Variants in CCDC149 observed in about 807,000 individuals in gnomAD.
CCDC149 encodes the protein coiled-coil domain containing 149.
CCDC149 carries 45 observed loss-of-function variants against 59.9 expected under a neutral mutation model. The observed-to-expected ratio is 0.75, with a 90% CI of 0.59 to 0.96. CCDC149 has a LOEUF of 0.96. Ranked by LOEUF, CCDC149 falls within the 40% of genes least tolerant of loss-of-function variation. CCDC149 has a pLI of 0.00. For missense variants in CCDC149, 584 were observed against 664.7 expected (o/e 0.88, Z 1.33); for synonymous variants, 245 against 260.6 (o/e 0.94, Z 0.58).
intron 1 of CCDC149, among the ~76,000 whole-genome samples, chr4:24,890,683 A>G (rs1276155030): frequency 1.3e-5 from 2 of 152,172 alleles, no homozygotes; most frequent in Non-Finnish European, 2.9e-5. Context: ...TTCAAGATGA[A>G]GCTTCAACTC....
intron 1 of CCDC149, among the ~76,000 whole-genome samples, chr4:24,885,522 C>T (rs1478135973): frequency 3.3e-5 from 5 of 152,212 alleles, no homozygotes; most frequent in African/African-American, 1.2e-4. Context: ...GGCAACCAGA[C>T]TCATGCGTGG....
chr4:24,872,844 C>T (rs921498410), intron 3 of CCDC149, among the ~76,000 whole-genome samples: 3 of 151,246 alleles, frequency 2.0e-5, no homozygotes, highest in Non-Finnish European at 4.4e-5. Flanking sequence ...GAAGACTATA[C>T]AGCCACAGAA....
In CCDC149 at chr4:24,837,514, C is replaced by T. The variant is rs897752633; in HGVS notation, c.490-114G>A. On this transcript the variant is annotated intron_variant, in intron 5 of 12. Transcript: ENST00000635206. This position sits in a 1 kb window ranked among gnomAD's most constrained non-coding sequence, Gnocchi z 4.3. ...TTTTTAGAGAGTTTATTAACACTACCCGCATGCCCTAAAGCCATAAGCGCC... is the reference window on the plus strand; with the variant it reads ...TTTTTAGAGAGTTTATTAACACTACTCGCATGCCCTAAAGCCATAAGCGCC... 3.3e-6 allele frequency: 3 copies of T among 919,150 alleles called. No individual in the cohort carries two copies. Among genetic ancestry groups the T allele is most frequent in the East Asian group, 2.5e-5 (1 of 39,652 alleles). 56.9% of individuals were successfully genotyped at this position (919,150 alleles called of 1,614,324 possible).
chr4:24,940,890 A>C (rs1179099387), intron 1 of CCDC149, among the ~76,000 whole-genome samples: 2 of 152,254 alleles, frequency 1.3e-5, no homozygotes, highest in East Asian at 3.8e-4. Flanking sequence ...ACCCAGATTC[A>C]TAAAGCAAGT....
rs1420574627 is a variant in CCDC149, at chr4:24,837,431, A to G, written c.490-31T>C. On this transcript the variant is annotated intron_variant, in intron 5 of 12. Coordinates refer to ENST00000635206, the MANE Select transcript of CCDC149 (RefSeq NM_001330643.2). The surrounding 1 kb of genome is among the most constrained non-coding windows in gnomAD (Gnocchi z 4.3). ...ACCACAGGGAGAGCCCTTACTCAAGATGTTCCTCAGGCTCCAGCTTTATGG... is the reference window on the plus strand; with the variant it reads ...ACCACAGGGAGAGCCCTTACTCAAGGTGTTCCTCAGGCTCCAGCTTTATGG... 6.2e-7 allele frequency: 1 copy of G among 1,610,312 alleles called. No individual in the cohort carries two copies.
chr4:24,965,508 AAT>A (rs1392504501), intron 1 of CCDC149, among the ~76,000 whole-genome samples: 3,424 of 151,478 alleles, frequency 0.023, 111 homozygotes, highest in African/African-American at 0.064. Context: ...AAAATTCCCC[AAT>A]GTTTCAAACT....
chr4:24,868,465 C>T (rs1434079359), intron 3 of CCDC149, among the ~76,000 whole-genome samples: 1 of 152,272 alleles, frequency 6.6e-6, no homozygotes, highest in East Asian at 1.9e-4. Flanking sequence ...GTCAGAATTC[C>T]CTCCCTAATT....
intron 3 of CCDC149, among the ~76,000 whole-genome samples, chr4:24,855,101 G>A (rs1339716449): frequency 1.3e-5 from 2 of 152,124 alleles, no homozygotes; most frequent in African/African-American, 2.4e-5. Context: ...AAGGAACTTC[G>A]TTGTCTCTAC....
chr4:24,842,802 C>G (rs1295851984), intron 4 of CCDC149, among the ~76,000 whole-genome samples: 2 of 152,196 alleles, frequency 1.3e-5, no homozygotes, highest in African/African-American at 4.8e-5. Context: ...TCCTTGATCT[C>G]TTCTTAGCCT....
intron 1 of CCDC149, among the ~76,000 whole-genome samples, chr4:24,892,691 T>C (rs1720598631): frequency 6.6e-6 from 1 of 152,186 alleles, no homozygotes; most frequent in Admixed American, 6.5e-5. Flanking sequence ...TATAAAATAC[T>C]GTCCAGTGAG....
intron 4 of CCDC149, among the ~76,000 whole-genome samples, chr4:24,846,583 T>A (rs1026203874): frequency 6.6e-6 from 1 of 152,204 alleles, no homozygotes; most frequent in African/African-American, 2.4e-5. Flanking sequence ...TGTATCTTAA[T>A]TGGTTTGCTC....
intron 7 of CCDC149, among the ~76,000 whole-genome samples, chr4:24,835,905 T>C (rs1716485643): frequency 1.3e-5 from 2 of 152,170 alleles, no homozygotes; most frequent in Non-Finnish European, 2.9e-5. Flanking sequence ...ATAGATATTA[T>C]CAAACTAATG....
chr4:24,863,913 G>A (rs1479216619), intron 3 of CCDC149, among the ~76,000 whole-genome samples: 3 of 152,234 alleles, frequency 2.0e-5, no homozygotes, highest in African/African-American at 7.2e-5. Flanking sequence ...CAGCGGTAAG[G>A]ATGACCCAAA....
chr4:24,820,524 GGAGGAGGAGGAT>G (rs929612524), intron 11 of CCDC149, among the ~76,000 whole-genome samples: 15 of 152,232 alleles, frequency 9.9e-5, no homozygotes, highest in African/African-American at 3.4e-4. Flanking sequence ...AGGAAGAGGA[GGAGGAGGAGGAT>G]GAGGAGGAGA....
chr4:24,843,219 C>T (rs1238560376), intron 4 of CCDC149, among the ~76,000 whole-genome samples: 2 of 152,224 alleles, frequency 1.3e-5, no homozygotes, highest in East Asian at 3.8e-4. Context: ...TACACAGTAG[C>T]TGTCAATTTG....
At chr4:24,873,619 C>A in intron 3 of CCDC149, 62 bp downstream of exon 3, 1 of 1,094,156 alleles carries the variant, frequency 9.1e-7, no homozygotes, top group South Asian at 1.3e-5. Flanking sequence ...TTGAGATTCC[C>A]TGATCCTCCC....
chr4:24,967,198 C>T (rs901982857), intron 1 of CCDC149, among the ~76,000 whole-genome samples: 16 of 152,110 alleles, frequency 1.1e-4, no homozygotes, highest in Admixed American at 3.9e-4. Context: ...GTGCATGTGA[C>T]GGACATATGC....
intron 1 of CCDC149, among the ~76,000 whole-genome samples, chr4:24,942,348 C>T (rs921169364): frequency 6.6e-6 from 1 of 151,658 alleles, no homozygotes; most frequent in Admixed American, 6.6e-5. Context: ...ATTCAACAAC[C>T]CTTCATGCTA....
chr4:24,831,501 C>A lies in CCDC149; in HGVS notation c.965+5G>T. The A allele has an allele frequency of 2.5e-6, 4 of 1,613,650 alleles. No individual in the cohort carries two copies. The highest frequency in any genetic ancestry group is 3.4e-6 in the Non-Finnish European group (4 of 1,179,836). On this transcript the variant is annotated splice_donor_5th_base_variant and intron_variant, in intron 9 of 12. Coordinates refer to ENST00000635206, the MANE Select transcript of CCDC149 (RefSeq NM_001330643.2). ...ACCCCCCAACACAAGAGTTTGGCCACCTACTTGTTGGTTTGCCTCTGGTGC... is the reference window on the plus strand; with the variant it reads ...ACCCCCCAACACAAGAGTTTGGCCAACTACTTGTTGGTTTGCCTCTGGTGC...
Sources: gnomAD v4.1 joint callset for allele counts (sites outside exome capture counted in the v4.1 genomes callset) on GRCh38, gnomAD v4.1.1 for gene constraint, Gnocchi (gnomAD v3.1) non-coding constraint, MANE v1.5 for transcripts, NCBI Gene and HGNC (gene_info 2026-07-23, HGNC 2026-07-21) for gene names.